CADPS: variants seen among roughly 807,000 people sequenced by gnomAD.
CADPS encodes the protein calcium-dependent secretion activator 1.
Under a neutral mutation model 167.3 loss-of-function variants are expected in CADPS, and 57 were observed. The observed-to-expected ratio is 0.34, with a 90% confidence interval of 0.28 to 0.42. CADPS has a LOEUF of 0.42. Among genes scored for constraint, CADPS ranks in the 20% least tolerant of loss-of-function variants. CADPS has a pLI of 1.00. For missense variants in CADPS, 1,414 were observed against 1,738.1 expected, an observed-to-expected ratio of 0.81 and a Z score of 3.32; for synonymous variants, 676 against 635.3, an observed-to-expected ratio of 1.06 and a Z score of -0.96.
chr3:62,762,013 C>T (rs2085582571), intron 2 of CADPS, among the ~76,000 whole-genome samples: 1 of 152,196 alleles, frequency 6.6e-6, no homozygotes, highest in Non-Finnish European at 1.5e-5. Context: ...TCTCCTTTCT[C>T]CCATCCCCAC....
At chr3:62,418,868 A>T (rs763128402) in intron 28 of CADPS, among the ~76,000 whole-genome samples, 13 of 152,136 alleles carry the variant, frequency 8.5e-5, no homozygotes, top group Non-Finnish European at 1.5e-4. Flanking sequence ...CCTGTGCACA[A>T]CAGAACTTCT....
intron 2 of CADPS, among the ~76,000 whole-genome samples, chr3:62,765,036 A>G (rs948435048): frequency 1.3e-5 from 2 of 152,212 alleles, no homozygotes; most frequent in Non-Finnish European, 2.9e-5. Context: ...CCAAACACAG[A>G]GAGTATTTAC....
chr3:62,411,931 A>G (rs553435766), intron 28 of CADPS, among the ~76,000 whole-genome samples: 82 of 152,316 alleles, frequency 5.4e-4, no homozygotes, highest in Non-Finnish European at 1.1e-3. Context: ...GAGTGTTGCT[A>G]TAATTCAGGA....
At chr3:62,411,062 C>G (rs2048863868) in intron 28 of CADPS, among the ~76,000 whole-genome samples, 1 of 152,072 alleles carries the variant, frequency 6.6e-6, no homozygotes, top group African/African-American at 2.4e-5. Context: ...ATGATTGTGC[C>G]ACTGTACTCC....
At chr3:62,442,587 G>T (rs2056528965) in intron 27 of CADPS, among the ~76,000 whole-genome samples, 2 of 152,142 alleles carry the variant, frequency 1.3e-5, no homozygotes, top group African/African-American at 4.8e-5. Flanking sequence ...TTACCAATTT[G>T]CATGGTGTAA....
intron 2 of CADPS, among the ~76,000 whole-genome samples, chr3:62,756,499 G>A (rs981208889): frequency 6.6e-6 from 1 of 152,228 alleles, no homozygotes; most frequent in Admixed American, 6.5e-5. Context: ...CTAGGTGGAA[G>A]ACACTGTACC....
rs59166695 is a variant in CADPS, at chr3:62,635,772, G to C, written c.1325+9950C>G. On this transcript the variant is annotated intron_variant, in intron 6 of 29. Transcript: ENST00000383710. ...TCTTTATGGTCATCAGTACTCTGAA[G>C]AGGTTTTCAAGCCCATCACATTGGG... 2.6e-4 allele frequency among the ~76,000 whole-genome samples: 39 copies of C among 152,096 alleles called. 1 individual carries two copies. Among genetic ancestry groups the C allele is most frequent in the African/African-American group, 7.5e-4 (31 of 41,486 alleles).
chr3:62,726,351 T>C (rs1164468820), intron 3 of CADPS, among the ~76,000 whole-genome samples: 1 of 151,898 alleles, frequency 6.6e-6, no homozygotes, highest in Non-Finnish European at 1.5e-5. Context: ...GCATAAGTAA[T>C]GGATTTGTAC....
intron 6 of CADPS, among the ~76,000 whole-genome samples, chr3:62,629,757 G>GTTTTTTTTTTTTTTTT (rs55956118): frequency 1.1e-3 from 165 of 145,528 alleles, no homozygotes; most frequent in Non-Finnish European, 1.8e-3. Flanking sequence ...CTCTGGTACA[G>GTTTTTTTTTTTTTTTT]TTTTTTTTTT....
At chr3:62,872,071 G>A (rs901388782) in intron 1 of CADPS, among the ~76,000 whole-genome samples, 50 of 152,040 alleles carry the variant, frequency 3.3e-4, no homozygotes, top group African/African-American at 1.1e-3. Context: ...CATAGATCTC[G>A]TTCTCTCTCT....
chr3:62,516,714 T>C, intron 14 of CADPS, 71 bp from the exon 15 acceptor site: 1 of 1,087,636 alleles, frequency 9.2e-7, no homozygotes, highest in East Asian at 2.4e-5. Context: ...GCAATTTGAT[T>C]CCTATAGCAA....
At chr3:62,715,498 A>C (rs907914590) in intron 3 of CADPS, among the ~76,000 whole-genome samples, 19 of 150,540 alleles carry the variant, frequency 1.3e-4, no homozygotes, top group Admixed American at 9.9e-4. Flanking sequence ...TTTTGGTAAA[A>C]AATGTTTTAC....
chr3:62,822,949 A>C (rs1412627220), intron 1 of CADPS, among the ~76,000 whole-genome samples: 3 of 152,230 alleles, frequency 2.0e-5, no homozygotes. Flanking sequence ...TTGAGTTTGC[A>C]GATAAGGAAC....
intron 9 of CADPS, among the ~76,000 whole-genome samples, chr3:62,560,507 A>G (rs756563650): frequency 1.3e-5 from 2 of 152,226 alleles, no homozygotes; most frequent in Non-Finnish European, 2.9e-5. Flanking sequence ...CCTACAACAG[A>G]AAGCATAAAA....
intron 1 of CADPS, among the ~76,000 whole-genome samples, chr3:62,865,261 T>A (rs996961527): frequency 1.3e-5 from 2 of 152,128 alleles, no homozygotes; most frequent in Non-Finnish European, 2.9e-5. Flanking sequence ...TTTGCTTTCT[T>A]AAGAGGCATA....
intron 13 of CADPS, among the ~76,000 whole-genome samples, chr3:62,522,867 G>A (rs1391798981): frequency 6.6e-6 from 1 of 152,116 alleles, no homozygotes. Context: ...AGTCATTTTT[G>A]GAGCCGTGCT....
intron 1 of CADPS, among the ~76,000 whole-genome samples, chr3:62,848,242 T>C (rs2077864304): frequency 7.5e-6 from 1 of 133,202 alleles, no homozygotes; most frequent in Non-Finnish European, 1.6e-5. Context: ...CTGTTCACTC[T>C]GATGGTAGTT....
At chr3:62,486,075 G>A (rs951163277) in intron 21 of CADPS, among the ~76,000 whole-genome samples, 1 of 152,184 alleles carries the variant, frequency 6.6e-6, no homozygotes, top group Non-Finnish European at 1.5e-5. Context: ...TTCCACCATA[G>A]TAACAATTTT....
At chr3:62,658,007 A>G (rs1324122155) in intron 4 of CADPS, among the ~76,000 whole-genome samples, 3 of 152,180 alleles carry the variant, frequency 2.0e-5, no homozygotes, top group African/African-American at 7.2e-5. Context: ...TGCAGGGAAC[A>G]CACAGCAACT....
Sources: allele counts gnomAD v4.1 joint callset (sites outside exome capture counted in the v4.1 genomes callset), GRCh38; gene constraint gnomAD v4.1.1; transcripts MANE v1.5; gene names NCBI Gene and HGNC (gene_info 2026-07-23, HGNC 2026-07-21).